BTBD9: variants seen among roughly 807,000 people sequenced by gnomAD.
BTBD9 encodes the protein BTB domain containing 9.
BTBD9 carries 49 observed loss-of-function variants against 64.3 expected under a neutral mutation model. The observed-to-expected ratio is 0.76, with a 90% CI of 0.61 to 0.97. The LOEUF (loss-of-function observed/expected upper bound fraction) is 0.97, where lower values mean the gene tolerates loss of function less well. Among genes scored for constraint, BTBD9 ranks in the 50% least tolerant of loss-of-function variants. The probability of loss-of-function intolerance (pLI) is 0.00; values close to 1 mark genes in which losing one functional copy is unlikely to be tolerated. For missense variants in BTBD9, 598 were observed against 762.1 expected, an observed-to-expected ratio of 0.78 and a Z score of 2.53; for synonymous variants, 260 against 274.7, an observed-to-expected ratio of 0.95 and a Z score of 0.53.
chr6:38,355,523 G>A (rs4714148), intron 6 of BTBD9, among the ~76,000 whole-genome samples: 98,763 of 152,068 alleles, frequency 0.65, 32,906 homozygotes, highest in East Asian at 0.95. Flanking sequence ...GAAAATGTCA[G>A]TCCTCACACT....
intron 6 of BTBD9, among the ~76,000 whole-genome samples, chr6:38,544,116 T>A (rs1212450224): frequency 6.6e-6 from 1 of 152,020 alleles, no homozygotes; most frequent in African/African-American, 2.4e-5. Context: ...AAATATTTTT[T>A]AAAAATAATA....
rs146032456 is a variant in BTBD9, at chr6:38,246,461, C to CGTGTGTGT, written c.1562+9940_1562+9947dup. Among the ~76,000 whole-genome samples the CGTGTGTGT allele has an allele frequency of 3.3e-3, 499 of 150,900 alleles. 8 individuals are homozygous for CGTGTGTGT. In the East Asian group the frequency reaches 0.039, roughly 12 times the overall value. ...GTCAGACTTGGCGCACGTGCACGTACGTGTGTGTGTGTGTGTATTGTCTAA... is the reference window on the plus strand; with the variant it reads ...GTCAGACTTGGCGCACGTGCACGTACGTGTGTGTGTGTGTGTGTGTGTGTATTGTCTAA... On this transcript the variant is annotated intron_variant, in intron 9 of 10. Coordinates refer to ENST00000481247, the MANE Select transcript of BTBD9 (RefSeq NM_001099272.2).
rs776618301 is a variant in BTBD9, at chr6:38,431,959, C to T, written c.1155-86866G>A. ...ATGTGTTGGAAATCTGGTACCTGGT[C>T]CTGGTATGGTGGTTTTGGGAGGTGA... On this transcript the variant is annotated intron_variant, in intron 6 of 10. Coordinates refer to ENST00000481247, the MANE Select transcript of BTBD9 (RefSeq NM_001099272.2). Among the ~76,000 whole-genome samples, 15 of 151,782 alleles carry T rather than the reference C, an allele frequency of 9.9e-5. 1 individual carries two copies. Among genetic ancestry groups the T allele is most frequent in the African/African-American group, 3.4e-4 (14 of 41,118 alleles).
At chr6:38,593,922 A>C in intron 3 of BTBD9, 42 bp downstream of exon 3, 1 of 1,516,974 alleles carries the variant, frequency 6.6e-7, no homozygotes, top group Non-Finnish European at 9.0e-7. Context: ...GTATAAATAA[A>C]ACAATGCATG....
At chr6:38,287,444 C>A (rs969967998) in intron 8 of BTBD9, among the ~76,000 whole-genome samples, 3 of 151,302 alleles carry the variant, frequency 2.0e-5, no homozygotes, top group Non-Finnish European at 2.9e-5. Context: ...CGTGCCCAGG[C>A]ACCATTTTTT....
rs187396075 is a variant in BTBD9 at position 38,186,508 on chromosome 6, G to A, written c.1641+6011C>T. On this transcript the variant is annotated intron_variant, in intron 10 of 10. Transcript: ENST00000481247. Reference sequence around the variant, plus strand: ...CACGGCCTCTTGATAATGAAAAGTTGGTTTACTACATCTTTTCCTTTATTG... The same window carrying A: ...CACGGCCTCTTGATAATGAAAAGTTAGTTTACTACATCTTTTCCTTTATTG... 2.0e-5 allele frequency among the ~76,000 whole-genome samples: 3 copies of A among 152,230 alleles called. No homozygotes were observed. The East Asian group carries it at 5.8e-4, about 29-fold the overall frequency.
chr6:38,238,302 C>T (rs867592286), intron 9 of BTBD9, among the ~76,000 whole-genome samples: 18 of 152,052 alleles, frequency 1.2e-4, no homozygotes, highest in African/African-American at 3.9e-4. Flanking sequence ...AGACGTGAGA[C>T]GTCAATCAAA....
chr6:38,175,072 G>T lies in BTBD9; in HGVS notation c.1752C>A (p.Asp584Glu). 1 of 1,614,228 alleles carries T rather than the reference G, an allele frequency of 6.2e-7. No homozygotes were observed. ...GDTSLAGQQLDSHALRAPSGS... is the reference protein window; with the variant it reads ...GDTSLAGQQLESHALRAPSGS... Reference sequence around the variant, plus strand: ...CACTAGGCGCCCGCAGCGCATGGGAGTCGAGCTGCTGACCGGCCAGGCTGG... The same window carrying T: ...CACTAGGCGCCCGCAGCGCATGGGATTCGAGCTGCTGACCGGCCAGGCTGG... Residue 584 changes from aspartate to glutamate, a missense_variant, in exon 11 of 11, where the codon GAC becomes GAA. Physicochemically the swap from Asp to Glu is conservative, Grantham distance 45 (BLOSUM62 2). Transcript: ENST00000481247.
At chr6:38,207,342 C>A in intron 9 of BTBD9, 1 of 216,076 alleles carries the variant, frequency 4.6e-6, no homozygotes, top group South Asian at 5.2e-5. Flanking sequence ...TACACTGAAG[C>A]TGGGTGTGGC....
At chr6:38,209,613 G>C (rs1344466605) in intron 9 of BTBD9, among the ~76,000 whole-genome samples, 3 of 152,164 alleles carry the variant, frequency 2.0e-5, no homozygotes, top group Non-Finnish European at 2.9e-5. Context: ...AAACCTCTGG[G>C]GGGGTGGGCC....
chr6:38,220,260 A>C (rs903037558), intron 9 of BTBD9, among the ~76,000 whole-genome samples: 2 of 152,244 alleles, frequency 1.3e-5, no homozygotes, highest in Non-Finnish European at 2.9e-5. Flanking sequence ...GTCCCACTGC[A>C]AAGCAGGCTG....
At chr6:38,388,402 A>G (rs1425651159) in intron 6 of BTBD9, among the ~76,000 whole-genome samples, 1 of 152,192 alleles carries the variant, frequency 6.6e-6, no homozygotes, top group Admixed American at 6.5e-5. Context: ...AAAGTTTGGT[A>G]TAACTTAGTG....
chr6:38,585,554 C>G (rs1157024450), intron 4 of BTBD9, among the ~76,000 whole-genome samples: 1 of 152,214 alleles, frequency 6.6e-6, no homozygotes, highest in African/African-American at 2.4e-5. Context: ...AAGCGGTCCT[C>G]CTGCCTTGGC....
chr6:38,602,157 GC>G (rs1414766517), intron 1 of BTBD9, among the ~76,000 whole-genome samples: 2 of 152,076 alleles, frequency 1.3e-5, no homozygotes, highest in African/African-American at 4.8e-5. Context: ...TATAAATGTA[GC>G]ATTTCAATTA....
chr6:38,358,819 C>T (rs1305067576), intron 6 of BTBD9, among the ~76,000 whole-genome samples: 4 of 150,220 alleles, frequency 2.7e-5, no homozygotes, highest in South Asian at 2.1e-4. Flanking sequence ...GGCCGGACTG[C>T]GGACTGCAGT....
intron 6 of BTBD9, among the ~76,000 whole-genome samples, chr6:38,487,316 C>G (rs1771484942): frequency 6.6e-6 from 1 of 152,156 alleles, no homozygotes; most frequent in Non-Finnish European, 1.5e-5. Context: ...TGTGGTAGCT[C>G]ATGCCTGTAA....
In BTBD9 at chr6:38,251,095, AT is replaced by A. The variant is rs201633786; in HGVS notation, c.1562+5313del. Among the ~76,000 whole-genome samples, 42 of 148,212 alleles carry A rather than the reference AT, an allele frequency of 2.8e-4. No homozygotes were observed. The East Asian group carries it at 5.9e-3, about 21-fold the overall frequency. ...AGACTATGTCTCAGAAAAAAAAAAA[AT>A]AATAATAATAATAATAGAGGTTTAA... On this transcript the variant is annotated intron_variant, in intron 9 of 10. Transcript: ENST00000481247.
chr6:38,590,945 A>C (rs552582486), intron 4 of BTBD9, among the ~76,000 whole-genome samples: 1 of 152,092 alleles, frequency 6.6e-6, no homozygotes, highest in Non-Finnish European at 1.5e-5. Context: ...CTAATCATCC[A>C]TTATTTTCCA....
chr6:38,544,946 A>T (rs1029683824), intron 6 of BTBD9, among the ~76,000 whole-genome samples: 9 of 150,320 alleles, frequency 6.0e-5, no homozygotes, highest in Middle Eastern at 3.2e-3. Flanking sequence ...AAAAAAAAAA[A>T]AAAAAAAAAA....
Sources: gnomAD v4.1 joint callset for allele counts (sites outside exome capture counted in the v4.1 genomes callset) on GRCh38, gnomAD v4.1.1 for gene constraint, MANE v1.5 for transcripts, NCBI Gene and HGNC (gene_info 2026-07-23, HGNC 2026-07-21) for gene names.